The following USP43 variants were observed in gnomAD, a reference collection of about 807,000 sequenced individuals.
USP43 encodes the protein ubiquitin specific peptidase 43.
A neutral mutation model predicts 90.7 loss-of-function variants in USP43; 33 were observed. The ratio of observed to expected loss-of-function variants is 0.36; its 90% CI spans 0.28 to 0.49. The LOEUF (loss-of-function observed/expected upper bound fraction) is 0.49. USP43 is among the 20% of genes least tolerant of loss of function. USP43 has a pLI of 0.98. For synonymous variants in USP43, 598 were observed against 615.8 expected, an observed-to-expected ratio of 0.97 and a Z score of 0.43; for missense variants, 1,274 against 1,476.4, an observed-to-expected ratio of 0.86 and a Z score of 2.25.
chr17:9,664,958 A>G (rs191393589), intron 2 of USP43, among the ~76,000 whole-genome samples: 4 of 152,282 alleles, frequency 2.6e-5, no homozygotes, highest in Admixed American at 1.3e-4. Flanking sequence ...AGGTACGTTT[A>G]TATTTTACTA....
intron 1 of USP43, among the ~76,000 whole-genome samples, chr17:9,652,961 G>A (rs1212681918): frequency 3.3e-5 from 5 of 151,662 alleles, no homozygotes; most frequent in East Asian, 1.9e-4. Flanking sequence ...TTCTATGACC[G>A]GATTATTATT....
Position 9,709,943 on chromosome 17 carries a change from G to T in USP43, c.2012-13G>T. The T allele has an allele frequency of 7.1e-7, 1 of 1,413,862 alleles. No homozygotes were observed. Among genetic ancestry groups the T allele is most frequent in the South Asian group, 1.8e-5 (1 of 55,564 alleles). 87.6% of individuals were successfully genotyped at this position (1,413,862 alleles called of 1,614,324 possible). On this transcript the variant is annotated splice_polypyrimidine_tract_variant and intron_variant, in intron 12 of 14. Coordinates refer to ENST00000285199, the MANE Select transcript of USP43 (RefSeq NM_153210.5). This position sits in a 1 kb window ranked among gnomAD's most constrained non-coding sequence, Gnocchi z 5.0. ...GCTCCAATAACTCAGACTTGGGGAT[G>T]GGACCTTTGCAGCCTACTGCCGGAA... is the stretch of plus-strand genomic sequence containing the variant.
intron 14 of USP43, among the ~76,000 whole-genome samples, chr17:9,715,878 T>G (rs1167992899): frequency 6.6e-6 from 1 of 151,812 alleles, no homozygotes; most frequent in Admixed American, 6.6e-5. Flanking sequence ...TGTGTATCTG[T>G]GTGTGTGTCT....
At chr17:9,656,371 A>T in intron 1 of USP43, 32 bp from the exon 2 acceptor site, 1 of 1,592,810 alleles carries the variant, frequency 6.3e-7, no homozygotes, top group South Asian at 1.1e-5. Context: ...AAGGGGCCAA[A>T]TTCACCTCTC....
Position 9,701,552 on chromosome 17 carries a change from G to T in USP43, c.1863G>T (p.Gln621His). The T allele has an allele frequency of 6.4e-7, 1 of 1,565,600 alleles. No homozygotes were observed. The highest frequency in any genetic ancestry group is 1.2e-5 in the South Asian group (1 of 84,910). The change falls in exon 12 of 15, where the codon CAG becomes CAT. Residue 621 changes from glutamine to histidine, a missense_variant. This residue lies in a region of USP43 where 285 missense variants were observed against 349.6 expected (regional missense o/e 0.82). Transcript: ENST00000285199. This position sits in a 1 kb window ranked among gnomAD's most constrained non-coding sequence, Gnocchi z 7.2. ...TCAACATGGCTCCCCATGTGGCCCA[G>T]AGAAGCACCAGCCCTGAGGCAGGAC... ...SGLNMAPHVA[Q>H]RSTSPEAGLG...
intron 8 of USP43, among the ~76,000 whole-genome samples, chr17:9,688,499 C>T (rs980390468): frequency 1.1e-4 from 17 of 151,404 alleles, no homozygotes; most frequent in African/African-American, 3.6e-4. Flanking sequence ...TACAGGCAAG[C>T]GCCACCACAC....
chr17:9,687,538 T>C (rs1160928397), intron 8 of USP43, among the ~76,000 whole-genome samples: 14 of 152,246 alleles, frequency 9.2e-5, no homozygotes, highest in Admixed American at 9.2e-4. Flanking sequence ...TTAAAAACTA[T>C]TGATTTTTTG....
At chr17:9,696,612 TCCATTTC>T (rs1213573688) in intron 9 of USP43, among the ~76,000 whole-genome samples, 1 of 152,254 alleles carries the variant, frequency 6.6e-6, no homozygotes, top group Non-Finnish European at 1.5e-5. Context: ...CTTAAAGCTT[TCCATTTC>T]CCATCTTTGT....
chr17:9,672,400 A>G (rs1439784519), intron 3 of USP43, among the ~76,000 whole-genome samples: 2 of 152,232 alleles, frequency 1.3e-5, no homozygotes, highest in African/African-American at 4.8e-5. Flanking sequence ...TGTAAAAGTC[A>G]TATTCCTGAA....
chr17:9,727,913 T>C lies in USP43; in HGVS notation c.2336-41T>C, dbSNP rs190918900. On this transcript the variant is annotated intron_variant, in intron 14 of 14. Transcript: ENST00000285199. ...CGTTAGATGACTGGCATTTCAGCTG[T>C]AGGGTGGCTTGTACACTGACAGTCT... 1.5e-4 allele frequency: 233 copies of C among 1,556,782 alleles called. 1 individual carries two copies. In the East Asian group the frequency reaches 4.9e-3, roughly 33 times the overall value.
chr17:9,671,742 TGA>T (rs765945841), intron 3 of USP43, among the ~76,000 whole-genome samples: 86 of 152,182 alleles, frequency 5.7e-4, no homozygotes, highest in Non-Finnish European at 8.8e-4. Context: ...AGTGCACTTG[TGA>T]GACAACAGGG....
At chr17:9,660,520 C>T (rs1912568655) in intron 2 of USP43, among the ~76,000 whole-genome samples, 1 of 152,122 alleles carries the variant, frequency 6.6e-6, no homozygotes. Flanking sequence ...TTGAATATGT[C>T]CCATTGCAAT....
At chr17:9,695,039 A>T (rs1165346366) in intron 9 of USP43, among the ~76,000 whole-genome samples, 1 of 152,176 alleles carries the variant, frequency 6.6e-6, no homozygotes, top group African/African-American at 2.4e-5. Context: ...TTCTACAGTA[A>T]GCTGACCATC....
At chr17:9,708,399 C>T (rs1916007233) in intron 12 of USP43, among the ~76,000 whole-genome samples, 1 of 152,062 alleles carries the variant, frequency 6.6e-6, no homozygotes, top group South Asian at 2.1e-4. Context: ...TAGGAGGGTG[C>T]TTCAGGGGCC....
intron 14 of USP43, among the ~76,000 whole-genome samples, chr17:9,727,570 C>T (rs9889256): frequency 6.6e-5 from 10 of 151,770 alleles, no homozygotes; most frequent in Admixed American, 2.0e-4. Context: ...GTACAAGGAC[C>T]TAATATGACC....
chr17:9,728,829 C>A lies in USP43; in HGVS notation c.3211C>A (p.Arg1071Ser). Residue 1071 changes from arginine (R) to serine (S), a missense_variant, in exon 15 of 15, where the codon CGC becomes AGC. Physicochemically the swap from Arg to Ser is moderately radical, Grantham distance 110. Transcript: ENST00000285199. The surrounding 1 kb of genome is among the most constrained non-coding windows in gnomAD (Gnocchi z 6.2). ...RDVWSAPSSL[R>S]LPRKASRAPR... is the part of the protein sequence containing the mutation. ...TGTCTGGTCAGCCCCCAGCTCTCTC[C>A]GCCTCCCTCGTAAAGCCAGCAGGGC... 1.2e-6 allele frequency: 2 copies of A among 1,613,808 alleles called. No individual in the cohort carries two copies. The highest frequency in any genetic ancestry group is 1.1e-5 in the South Asian group (1 of 91,068).
chr17:9,680,874 T>C lies in USP43; in HGVS notation c.1105+508T>C, dbSNP rs181991769. Among the ~76,000 whole-genome samples, 336 of 151,240 alleles carry C rather than the reference T, an allele frequency of 2.2e-3. 1 individual carries two copies. The highest frequency in any genetic ancestry group is 7.6e-3 in the African/African-American group (314 of 41,194). Reference sequence around the variant, plus strand: ...TGACTTTTTAACAAAATAGTTCCACTTCTTAATGCTTGCTTTTCCTATTCC... The same window carrying C: ...TGACTTTTTAACAAAATAGTTCCACCTCTTAATGCTTGCTTTTCCTATTCC... On this transcript the variant is annotated intron_variant, in intron 6 of 14. Transcript: ENST00000285199.
intron 3 of USP43, among the ~76,000 whole-genome samples, chr17:9,667,393 A>G (rs1913106209): frequency 6.6e-6 from 1 of 151,024 alleles, no homozygotes; most frequent in Non-Finnish European, 1.5e-5. Context: ...CCCTATCTCA[A>G]AAAAAAAGTA....
intron 13 of USP43, 105 bp from the exon 14 acceptor site, chr17:9,711,863 G>A (rs1597882733): frequency 1.5e-6 from 2 of 1,300,390 alleles, no homozygotes; most frequent in East Asian, 5.7e-5. Context: ...GTAGTTCTGG[G>A]GCTGAAGGAT....
Sources: allele counts gnomAD v4.1 joint callset (sites outside exome capture counted in the v4.1 genomes callset), GRCh38; gene constraint gnomAD v4.1.1; regional missense constraint gnomAD v4.1.1; non-coding constraint Gnocchi (gnomAD v3.1); transcripts MANE v1.5; gene names NCBI Gene and HGNC (gene_info 2026-07-23, HGNC 2026-07-21).